Variants in DPP6 observed in about 807,000 individuals in gnomAD.
DPP6 encodes the protein dipeptidyl peptidase like 6.
DPP6 carries 69 observed loss-of-function variants against 122.6 expected under a neutral mutation model. That is an observed-to-expected ratio of 0.56 (90% confidence interval 0.46 to 0.69). The LOEUF is 0.69. DPP6 is among the 30% of genes least tolerant of loss of function. The probability of loss-of-function intolerance (pLI) is 0.00; values close to 1 mark genes in which losing one functional copy is unlikely to be tolerated. For synonymous variants in DPP6, 418 were observed against 433.1 expected, an observed-to-expected ratio of 0.97 and a Z score of 0.43; for missense variants, 928 against 1,116.9, an observed-to-expected ratio of 0.83 and a Z score of 2.41.
chr7:154,121,928 A>T (rs2150607907), intron 1 of DPP6, among the ~76,000 whole-genome samples: 1 of 152,368 alleles, frequency 6.6e-6, no homozygotes, highest in Non-Finnish European at 1.5e-5. Flanking sequence ...TTAGCTATCT[A>T]TTTAAAGTGT....
In DPP6 at chr7:154,668,197, T is replaced by TATATATATATATATATATATATATA. The variant is rs1838288618; in HGVS notation, c.681-1163_681-1162insATATATATATATATATATATATATA. 4.7e-4 allele frequency among the ~76,000 whole-genome samples: 17 copies of TATATATATATATATATATATATATA among 36,476 alleles called. 1 individual carries two copies. Among genetic ancestry groups the TATATATATATATATATATATATATA allele is most frequent in the Non-Finnish European group, 9.2e-4 (12 of 13,000 alleles). The allele number at this position is 36,476 out of a possible 152,430, so 23.9% of individuals were successfully genotyped here. On this transcript the variant is annotated intron_variant, in intron 6 of 25. Coordinates refer to ENST00000377770, the MANE Select transcript of DPP6 (RefSeq NM_130797.4). ...GTGCATTCCCAGCTATGTGTATATT[T>TATATATATATATATATATATATATA]TATATATATATATATATATATAATA...
intron 1 of DPP6, among the ~76,000 whole-genome samples, chr7:154,248,691 T>G (rs1488040833): frequency 6.6e-6 from 1 of 151,872 alleles, no homozygotes; most frequent in African/African-American, 2.4e-5. Context: ...GATGGGGAAA[T>G]CCCATCTCTA....
intron 16 of DPP6, among the ~76,000 whole-genome samples, chr7:154,851,651 G>A (rs142816982): frequency 8.1e-4 from 123 of 152,222 alleles, no homozygotes; most frequent in Middle Eastern, 3.4e-3. Context: ...CTGGGTAGGG[G>A]GTGCCATATT....
At chr7:154,308,332 A>C (rs1227646098) in intron 1 of DPP6, among the ~76,000 whole-genome samples, 2 of 152,154 alleles carry the variant, frequency 1.3e-5, no homozygotes, top group Non-Finnish European at 2.9e-5. Flanking sequence ...ATGTGTAAAA[A>C]GAGTATTTTG....
intron 7 of DPP6, among the ~76,000 whole-genome samples, chr7:154,706,644 C>T (rs1840845731): frequency 6.6e-6 from 1 of 152,250 alleles, no homozygotes; most frequent in Non-Finnish European, 1.5e-5. Flanking sequence ...CTTCAGTCAG[C>T]TAGGAACTTC....
chr7:154,818,690 G>T (rs1048586540), intron 16 of DPP6, among the ~76,000 whole-genome samples: 2 of 152,108 alleles, frequency 1.3e-5, no homozygotes, highest in African/African-American at 2.4e-5. Flanking sequence ...TACCTCAGCT[G>T]CCCTTTTTAA....
At chr7:153,922,522 A>T (rs539706697) in intron 1 of DPP6, among the ~76,000 whole-genome samples, 51 of 152,276 alleles carry the variant, frequency 3.3e-4, no homozygotes, top group African/African-American at 1.1e-3. Context: ...AAGCAAAATG[A>T]TAATCTCAGC....
At chr7:153,789,794 A>G in the DPP6 span, among the ~76,000 whole-genome samples, 1 of 152,172 alleles carries the variant, frequency 6.6e-6, no homozygotes, top group South Asian at 2.1e-4. Context: ...ATGACATGGA[A>G]TGAGGTAGTG....
At chr7:154,772,088 C>T (rs1040857778) in intron 9 of DPP6, among the ~76,000 whole-genome samples, 3 of 152,186 alleles carry the variant, frequency 2.0e-5, no homozygotes, top group Non-Finnish European at 4.4e-5. Context: ...TCAGAAGGTG[C>T]TCTGAAGCTG....
the DPP6 span, among the ~76,000 whole-genome samples, chr7:153,851,770 T>C: frequency 2.0e-5 from 3 of 152,182 alleles, no homozygotes; most frequent in Non-Finnish European, 2.9e-5. Context: ...TTTCATATAG[T>C]ACTAATATCA....
At chr7:154,804,138 C>A (rs78983524) in intron 14 of DPP6, among the ~76,000 whole-genome samples, 183 bp downstream of exon 14, 2 of 152,242 alleles carry the variant, frequency 1.3e-5, no homozygotes, top group African/African-American at 4.8e-5. Context: ...AACAGTCCGA[C>A]TTCCAGAGCT....
chr7:154,330,310 A>G (rs1225170080), intron 1 of DPP6, among the ~76,000 whole-genome samples: 2 of 152,082 alleles, frequency 1.3e-5, no homozygotes, highest in Non-Finnish European at 2.9e-5. Flanking sequence ...TCAGTTTCAG[A>G]CTCTGGTATT....
chr7:154,436,145 T>C (rs554959318), intron 1 of DPP6, among the ~76,000 whole-genome samples: 15 of 151,792 alleles, frequency 9.9e-5, no homozygotes, highest in African/African-American at 3.6e-4. Flanking sequence ...GGCTTCCTAT[T>C]GTGTTTTGGA....
intron 1 of DPP6, among the ~76,000 whole-genome samples, chr7:154,355,336 A>G (rs906877454): frequency 1.3e-5 from 2 of 152,188 alleles, no homozygotes; most frequent in African/African-American, 4.8e-5. Context: ...GCCTTTTCAT[A>G]TAATATTTTT....
chr7:154,366,685 T>A (rs550202701), intron 1 of DPP6, among the ~76,000 whole-genome samples: 2 of 152,260 alleles, frequency 1.3e-5, no homozygotes, highest in South Asian at 4.1e-4. Context: ...ATGTTTTAAA[T>A]CAACAGGTTT....
intron 1 of DPP6, among the ~76,000 whole-genome samples, chr7:154,136,747 A>T (rs1795576475): frequency 6.6e-6 from 1 of 152,180 alleles, no homozygotes; most frequent in Non-Finnish European, 1.5e-5. Context: ...GAACCTTGAG[A>T]CCCTCTGAAA....
intron 1 of DPP6, among the ~76,000 whole-genome samples, chr7:154,360,702 G>A (rs1440277866): frequency 6.6e-6 from 1 of 152,240 alleles, no homozygotes; most frequent in African/African-American, 2.4e-5. Context: ...TGACCAGCAT[G>A]TGTGATTTAT....
chr7:153,875,640 G>T, the DPP6 span, among the ~76,000 whole-genome samples: 1 of 151,882 alleles, frequency 6.6e-6, no homozygotes, highest in South Asian at 2.1e-4. Context: ...ATCAATATAA[G>T]ATTCTAATTA....
At chr7:154,011,326 C>T (rs1190430610) in intron 1 of DPP6, among the ~76,000 whole-genome samples, 1 of 152,180 alleles carries the variant, frequency 6.6e-6, no homozygotes, top group African/African-American at 2.4e-5. Flanking sequence ...TAATGAGAAT[C>T]TGTCCTTTCA....
Sources: allele counts gnomAD v4.1 joint callset (sites outside exome capture counted in the v4.1 genomes callset), GRCh38; gene constraint gnomAD v4.1.1; transcripts MANE v1.5; gene names NCBI Gene and HGNC (gene_info 2026-07-23, HGNC 2026-07-21).